SLCO1B3: variants seen among roughly 807,000 people sequenced by gnomAD.
The protein encoded by SLCO1B3 is liver-specific organic anion transporter 2.
In SLCO1B3, 72 loss-of-function variants were observed where a neutral mutation model predicts 71.8. The ratio of observed to expected loss-of-function variants is 1.00; its 90% CI spans 0.83 to 1.22. SLCO1B3 has a LOEUF of 1.22. SLCO1B3 is among the 50% of genes most tolerant of loss of function. The pLI, the probability that SLCO1B3 is intolerant of heterozygous loss-of-function variation, is 0.00. For missense variants in SLCO1B3, 911 were observed against 819.7 expected, an observed-to-expected ratio of 1.11 and a Z score of -1.36; for synonymous variants, 298 against 278.4, an observed-to-expected ratio of 1.07 and a Z score of -0.70.
intron 13 of SLCO1B3, among the ~76,000 whole-genome samples, chr12:20,888,938 T>C (rs545519878): frequency 6.6e-6 from 1 of 152,276 alleles, no homozygotes; most frequent in South Asian, 2.1e-4. Flanking sequence ...TCTGCATCAA[T>C]TTATTTTATC....
chr12:20,897,236 AATAG>A lies in SLCO1B3; in HGVS notation c.1683-1196_1683-1193del, dbSNP rs1350987252. Among the ~76,000 whole-genome samples, 7 of 152,230 alleles carry A rather than the reference AATAG, an allele frequency of 4.6e-5. No individual in the cohort carries two copies. The East Asian group carries it at 1.3e-3, about 29-fold the overall frequency. On this transcript the variant is annotated intron_variant, in intron 13 of 15. Transcript: ENST00000381545. ...ACACTTTCTGTTTATTGTCTCTCCT[AATAG>A]ATAACTATTTTAGATTTAACTTTCA...
chr12:20,862,213 G>T (rs541956359), intron 6 of SLCO1B3, among the ~76,000 whole-genome samples, 199 bp from the exon 7 acceptor site: 1 of 152,126 alleles, frequency 6.6e-6, no homozygotes, highest in Non-Finnish European at 1.5e-5. Context: ...TCGTCTGTGT[G>T]TAGTGTAATT....
intron 3 of SLCO1B3, among the ~76,000 whole-genome samples, chr12:20,817,638 A>G (rs928956458): frequency 6.6e-6 from 1 of 151,958 alleles, no homozygotes; most frequent in Non-Finnish European, 1.5e-5. Context: ...CCCAGGCTGG[A>G]GTGCAGTGGC....
intron 8 of SLCO1B3, among the ~76,000 whole-genome samples, chr12:20,869,199 G>GCA (rs1865431948): frequency 6.6e-6 from 1 of 151,842 alleles, no homozygotes; most frequent in Non-Finnish European, 1.5e-5. Context: ...GACACTTCTT[G>GCA]CTACCGCTAG....
At chr12:20,844,084 T>G (rs933510894) in intron 3 of SLCO1B3, among the ~76,000 whole-genome samples, 1 of 152,014 alleles carries the variant, frequency 6.6e-6, no homozygotes. Flanking sequence ...TTGTTAATTT[T>G]AATTAAAATC....
chr12:20,831,963 GA>G (rs1864550798), intron 3 of SLCO1B3, among the ~76,000 whole-genome samples: 1 of 152,044 alleles, frequency 6.6e-6, no homozygotes, highest in Admixed American at 6.6e-5. Flanking sequence ...CTTTGCAGAT[GA>G]AAAAAACCTA....
chr12:20,871,633 G>A lies in SLCO1B3; in HGVS notation c.728-3602G>A, dbSNP rs546987887. 6.6e-5 allele frequency among the ~76,000 whole-genome samples: 10 copies of A among 152,258 alleles called. 1 individual carries two copies. The South Asian group carries it at 2.1e-3, about 32-fold the overall frequency. On this transcript the variant is annotated intron_variant, in intron 8 of 15. Coordinates refer to ENST00000381545, the MANE Select transcript of SLCO1B3 (RefSeq NM_019844.4). ...GTTTTTACAGTCTTAGAGAGGTACT[G>A]CCTTGGTGGCCTTGGAAAGTATATG...
At chr12:20,889,942 G>T (rs192156433) in intron 13 of SLCO1B3, among the ~76,000 whole-genome samples, 64 of 150,324 alleles carry the variant, frequency 4.3e-4, no homozygotes, top group Admixed American at 1.5e-3. Context: ...TTTGGGGACA[G>T]AATCTCACTC....
chr12:20,898,290 A>G (rs1565606513), intron 13 of SLCO1B3, 146 bp from the exon 14 acceptor site: 3 of 562,976 alleles, frequency 5.3e-6, no homozygotes, highest in Non-Finnish European at 9.7e-6. Flanking sequence ...AAAACAGTTG[A>G]AAATGTAACT....
rs544671592 is a variant in SLCO1B3 at position 20,901,989 on chromosome 12, G to A, written c.1865+522G>A. 109 of 374,336 alleles carry A rather than the reference G, an allele frequency of 2.9e-4. 1 individual carries two copies. Among genetic ancestry groups the A allele is most frequent in the South Asian group, 1.4e-3 (72 of 51,338 alleles). 23.2% of individuals were successfully genotyped at this position (374,336 alleles called of 1,614,324 possible). A position where few individuals can be genotyped will look rare whatever the true frequency, so the allele number is the denominator to read the frequency against. Reference sequence around the variant, plus strand: ...CAATTGTACCTTACCTCTTATAGAAGCATTAATTTGTAATTTATATATTGA... The same window carrying A: ...CAATTGTACCTTACCTCTTATAGAAACATTAATTTGTAATTTATATATTGA... On this transcript the variant is annotated intron_variant, in intron 15 of 15. Transcript: ENST00000381545.
chr12:20,868,890 G>A (rs554274162), intron 8 of SLCO1B3, among the ~76,000 whole-genome samples: 5 of 152,262 alleles, frequency 3.3e-5, no homozygotes, highest in African/African-American at 1.2e-4. Flanking sequence ...GAAGAGAGAG[G>A]AGACAAAGAG....
chr12:20,859,489 T>G (rs115457343), intron 5 of SLCO1B3, among the ~76,000 whole-genome samples: 1 of 67,516 alleles, frequency 1.5e-5, no homozygotes, highest in Non-Finnish European at 4.2e-5. Flanking sequence ...TTCTGTTTTT[T>G]TCCCCCTCTA....
chr12:20,902,546 C>A (rs1410585823), intron 15 of SLCO1B3, among the ~76,000 whole-genome samples: 1 of 152,132 alleles, frequency 6.6e-6, no homozygotes, highest in Non-Finnish European at 1.5e-5. Flanking sequence ...ACACTGGAGC[C>A]TACTTGTGGG....
intron 8 of SLCO1B3, among the ~76,000 whole-genome samples, chr12:20,873,603 A>G (rs117261461): frequency 6.6e-6 from 1 of 152,160 alleles, no homozygotes; most frequent in Admixed American, 6.5e-5. Flanking sequence ...AGCATTTTTT[A>G]AAAATTTTAT....
chr12:20,879,075 A>T (rs991289148), intron 10 of SLCO1B3, among the ~76,000 whole-genome samples: 2 of 152,080 alleles, frequency 1.3e-5, no homozygotes, highest in African/African-American at 4.8e-5. Flanking sequence ...TTAGACACGT[A>T]AATATTCTTA....
At chr12:20,876,225 C>A (rs1350505054) in intron 9 of SLCO1B3, among the ~76,000 whole-genome samples, 1 of 151,808 alleles carries the variant, frequency 6.6e-6, no homozygotes, top group Admixed American at 6.6e-5. Context: ...TGCCTCTGTC[C>A]AATATAAGCC....
rs1207098304 is a variant in SLCO1B3 at position 20,916,816 on chromosome 12, G to A, written c.*569G>A. The A allele has an allele frequency of 1.3e-5, 2 of 152,140 alleles. No homozygotes were observed. Among genetic ancestry groups the A allele is most frequent in the African/African-American group, 2.4e-5 (1 of 41,436 alleles). 9.4% of individuals were successfully genotyped at this position (152,140 alleles called of 1,614,324 possible). A position where few individuals can be genotyped will look rare whatever the true frequency, so the allele number is the denominator to read the frequency against. On this transcript the variant is annotated 3_prime_UTR_variant, in exon 16 of 16. Transcript: ENST00000381545. Reference sequence around the variant, plus strand: ...TAGAAATATTCAAATATTGCAAGGTGTAATTGTGAGACAACTTATTATAAT... The same window carrying A: ...TAGAAATATTCAAATATTGCAAGGTATAATTGTGAGACAACTTATTATAAT...
chr12:20,814,038 A>C (rs1864149907), intron 2 of SLCO1B3, among the ~76,000 whole-genome samples: 1 of 152,210 alleles, frequency 6.6e-6, no homozygotes, highest in African/African-American at 2.4e-5. Context: ...ATGAGCAGCT[A>C]CATAGCAAGT....
chr12:20,837,181 G>T (rs1212981253), intron 3 of SLCO1B3, among the ~76,000 whole-genome samples: 1 of 151,836 alleles, frequency 6.6e-6, no homozygotes, highest in East Asian at 1.9e-4. Flanking sequence ...TTTGATATTG[G>T]TAATTAGTAT....
Sources: allele counts gnomAD v4.1 joint callset (sites outside exome capture counted in the v4.1 genomes callset), GRCh38; gene constraint gnomAD v4.1.1; transcripts MANE v1.5; gene names NCBI Gene and HGNC (gene_info 2026-07-23, HGNC 2026-07-21).